ARHGEF12: variants seen among roughly 807,000 people sequenced by gnomAD.
ARHGEF12 encodes KMT2A/ARHGEF12 fusion protein.
In ARHGEF12, 66 loss-of-function variants were observed where a neutral mutation model predicts 211.2. That is an observed-to-expected ratio of 0.31 (90% CI 0.26 to 0.38). The LOEUF (loss-of-function observed/expected upper bound fraction) is 0.38. Among genes scored for constraint, ARHGEF12 ranks in the 10% least tolerant of loss-of-function variants. The pLI, the probability that ARHGEF12 is intolerant of heterozygous loss-of-function variation, is 1.00. For synonymous variants in ARHGEF12, 592 were observed against 638.4 expected (o/e 0.93, Z 1.09); for missense variants, 1,429 against 1,869.5 (o/e 0.76, Z 4.34).
chr11:120,422,231 A>G (rs889601358), intron 6 of ARHGEF12, among the ~76,000 whole-genome samples: 1 of 152,170 alleles, frequency 6.6e-6, no homozygotes, highest in African/African-American at 2.4e-5. Flanking sequence ...GACACCATGA[A>G]TGGAAAATTT....
intron 40 of ARHGEF12, 124 bp from the exon 41 acceptor site, chr11:120,484,943 A>C (rs910877728): frequency 3.0e-6 from 3 of 1,015,898 alleles, no homozygotes; most frequent in African/African-American, 3.2e-5. Flanking sequence ...GTTTATACTC[A>C]TCTGCTTACA....
At chr11:120,448,849 C>G (rs1946123057) in intron 20 of ARHGEF12, 1 of 380,002 alleles carries the variant, frequency 2.6e-6, no homozygotes. Context: ...GAATAAGTTC[C>G]TGGTAAATGT....
chr11:120,468,428 C>T (rs927784640), intron 29 of ARHGEF12, among the ~76,000 whole-genome samples: 8 of 152,202 alleles, frequency 5.3e-5, no homozygotes, highest in Admixed American at 2.6e-4. Flanking sequence ...AGCCTCAATA[C>T]GTTTTGTCTT....
In ARHGEF12 at chr11:120,425,023, A is replaced by G. The variant is rs1038252249; in HGVS notation, c.406+608A>G. On this transcript the variant is annotated intron_variant, in intron 7 of 40. Coordinates refer to ENST00000397843, the MANE Select transcript of ARHGEF12 (RefSeq NM_015313.3). ...CCCACTTGGACTTAGTTCTCTGTGG[A>G]GAAACAGGCTTGAAGCAGTGGGAGT... 5.3e-5 allele frequency among the ~76,000 whole-genome samples: 8 copies of G among 152,314 alleles called. No homozygotes were observed. In the East Asian group the frequency reaches 1.5e-3, roughly 29 times the overall value.
At chr11:120,380,137 C>T (rs1043067142) in intron 1 of ARHGEF12, among the ~76,000 whole-genome samples, 3 of 152,186 alleles carry the variant, frequency 2.0e-5, no homozygotes, top group Non-Finnish European at 1.5e-5. Context: ...ACCCACTATT[C>T]TGACTTCTAG....
intron 11 of ARHGEF12, among the ~76,000 whole-genome samples, chr11:120,436,824 G>A (rs1300040999): frequency 2.6e-5 from 4 of 152,250 alleles, no homozygotes; most frequent in African/African-American, 7.2e-5. Flanking sequence ...AAGAACAACT[G>A]TATTAGGTAT....
rs1947114567 is a variant in ARHGEF12, at chr11:120,478,201, A to T, written c.3578A>T (p.Gln1193Leu). The change falls in exon 37 of 41, where the codon CAG becomes CTG. Residue 1193 changes from glutamine to leucine, a missense_variant. Gln to Leu is a moderately radical substitution (Grantham distance 113, BLOSUM62 -2). Around this residue, in one of 7 missense-constraint regions of ARHGEF12, gnomAD observed 467 missense variants for 468.4 expected, o/e 1.00. Coordinates refer to ENST00000397843, the MANE Select transcript of ARHGEF12 (RefSeq NM_015313.3). ...LESTLISSKP[Q>L]SHSLSTSGKS... ...TCTACCTTAATATCGTCAAAACCTCAGTCTCATTCACTGAGTACCTCTGGG... is the reference window on the plus strand; with the variant it reads ...TCTACCTTAATATCGTCAAAACCTCTGTCTCATTCACTGAGTACCTCTGGG... 6.2e-7 allele frequency: 1 copy of T among 1,614,132 alleles called. No individual in the cohort carries two copies. The highest frequency in any genetic ancestry group is 2.2e-5 in the East Asian group (1 of 44,876).
chr11:120,477,147 C>T (rs1591641537), intron 34 of ARHGEF12, 72 bp from the exon 35 acceptor site: 1 of 1,232,522 alleles, frequency 8.1e-7, no homozygotes. Flanking sequence ...TTTAGTTTTG[C>T]TTTCTGAGTA....
chr11:120,393,074 A>G (rs934089625), intron 1 of ARHGEF12, among the ~76,000 whole-genome samples: 10 of 152,232 alleles, frequency 6.6e-5, no homozygotes, highest in African/African-American at 1.9e-4. Flanking sequence ...ATAAAAATGT[A>G]TGGAATGAGT....
chr11:120,420,883 A>C (rs752994249), intron 5 of ARHGEF12, 32 bp downstream of exon 5: 1 of 1,548,534 alleles, frequency 6.5e-7, no homozygotes. Flanking sequence ...TTTATCACTC[A>C]GTAAACAGAG....
At chr11:120,341,540 C>A (rs1275980204) in intron 1 of ARHGEF12, among the ~76,000 whole-genome samples, 1 of 152,186 alleles carries the variant, frequency 6.6e-6, no homozygotes, top group Non-Finnish European at 1.5e-5. Context: ...GTGGTTGCCT[C>A]TTCTAAATGT....
chr11:120,417,051 A>G (rs1945050624), intron 4 of ARHGEF12, among the ~76,000 whole-genome samples: 1 of 152,230 alleles, frequency 6.6e-6, no homozygotes, highest in Non-Finnish European at 1.5e-5. Flanking sequence ...TAATCATAAT[A>G]AAATAATATT....
chr11:120,410,620 T>C (rs1487602313), intron 4 of ARHGEF12: 3 of 152,206 alleles, frequency 2.0e-5, no homozygotes, highest in African/African-American at 7.2e-5. Context: ...TTTAGTATTA[T>C]GAAAGCTCAG....
At chr11:120,345,353 C>G (rs1406701333) in intron 1 of ARHGEF12, among the ~76,000 whole-genome samples, 1 of 152,120 alleles carries the variant, frequency 6.6e-6, no homozygotes, top group Non-Finnish European at 1.5e-5. Flanking sequence ...CTGTACCATC[C>G]ATATACAAAA....
rs1944693030 is a variant in ARHGEF12, at chr11:120,406,024, A to G, written c.33-94A>G. 13 of 941,870 alleles carry G rather than the reference A, an allele frequency of 1.4e-5. No individual in the cohort carries two copies. In the South Asian group the frequency reaches 2.0e-4, roughly 14 times the overall value. The allele number at this position is 941,870 out of a possible 1,614,324, so 58.3% of individuals were successfully genotyped here. A position where few individuals can be genotyped will look rare whatever the true frequency, so the allele number is the denominator to read the frequency against. On this transcript the variant is annotated intron_variant, in intron 1 of 40. Coordinates refer to ENST00000397843, the MANE Select transcript of ARHGEF12 (RefSeq NM_015313.3). Reference sequence around the variant, plus strand: ...ATTGGAAAGTTACCATAAGATTTAAATCTCTTATTCTGGTTCAGTAGGATG... The same window carrying G: ...ATTGGAAAGTTACCATAAGATTTAAGTCTCTTATTCTGGTTCAGTAGGATG...
intron 3 of ARHGEF12, chr11:120,408,399 A>G (rs995279554): frequency 6.6e-6 from 1 of 152,150 alleles, no homozygotes; most frequent in Non-Finnish European, 1.5e-5. Flanking sequence ...AGACTTTCAG[A>G]TTGATCTCCT....
intron 1 of ARHGEF12, among the ~76,000 whole-genome samples, chr11:120,344,244 T>A (rs1363840218): frequency 8.8e-6 from 1 of 113,692 alleles, no homozygotes; most frequent in East Asian, 2.6e-4. Flanking sequence ...CCTACCTGGA[T>A]GACAGAGCAA....
chr11:120,477,862 C>CAAAAAAA (rs528182938), intron 36 of ARHGEF12, among the ~76,000 whole-genome samples: 2 of 69,368 alleles, frequency 2.9e-5, no homozygotes, highest in African/African-American at 1.2e-4. Context: ...ACCGAAACAC[C>CAAAAAAA]AAAAAAAAAA....
At chr11:120,346,213 AG>A (rs1482147745) in intron 1 of ARHGEF12, among the ~76,000 whole-genome samples, 3 of 152,196 alleles carry the variant, frequency 2.0e-5, no homozygotes, top group African/African-American at 7.2e-5. Flanking sequence ...TTCTTTTGCT[AG>A]GTTATGCTGC....
Sources: gnomAD v4.1 joint callset for allele counts (sites outside exome capture counted in the v4.1 genomes callset) on GRCh38, gnomAD v4.1.1 for gene constraint, gnomAD v4.1.1 regional missense constraint, MANE v1.5 for transcripts, NCBI Gene and HGNC (gene_info 2026-07-23, HGNC 2026-07-21) for gene names.